Variants in LYSMD4 observed in about 807,000 individuals in gnomAD.
The protein encoded by LYSMD4 is LysM domain containing 4.
In LYSMD4, 9 loss-of-function variants were observed where a neutral mutation model predicts 6.1. The observed-to-expected ratio is 1.47, with a 90% CI of 0.88 to 2.56. The LOEUF (loss-of-function observed/expected upper bound fraction) is 2.56. Ranked by LOEUF, LYSMD4 falls within the 30% of genes most tolerant of loss-of-function variation. The pLI is 0.00. For synonymous variants in LYSMD4, 143 were observed against 148.5 expected (o/e 0.96, Z 0.27); for missense variants, 384 against 373.5 (o/e 1.03, Z -0.23).
chr15:99,731,414 T>G, intron 2 of LYSMD4: 1 of 1,611,534 alleles, frequency 6.2e-7, no homozygotes, highest in Non-Finnish European at 8.5e-7. Context: ...AGGTCTAAAA[T>G]AAAATGTGCT....
chr15:99,720,164 T>A (rs1449556665), upstream of LYSMD4, among the ~76,000 whole-genome samples: 1 of 152,240 alleles, frequency 6.6e-6, no homozygotes, highest in African/African-American at 2.4e-5. Flanking sequence ...ATCTCATTGC[T>A]TAAAGATTTT....
At chr15:99,733,234 G>A (rs1382601199) in intron 1 of LYSMD4, 111 bp downstream of exon 1, 10 of 375,106 alleles carry the variant, frequency 2.7e-5, no homozygotes, top group Non-Finnish European at 4.7e-5. Context: ...CTAGGAGCCC[G>A]GGGAGGGGCG....
chr15:99,725,788 A>G (rs779969401), downstream of LYSMD4, among the ~76,000 whole-genome samples: 1 of 152,158 alleles, frequency 6.6e-6, no homozygotes, highest in South Asian at 2.1e-4. Context: ...GTGAGCCTGG[A>G]TCATGCCACA....
upstream of LYSMD4, among the ~76,000 whole-genome samples, chr15:99,719,494 T>C (rs113862933): frequency 1.3e-5 from 2 of 152,204 alleles, no homozygotes; most frequent in African/African-American, 4.8e-5. Context: ...CTCTTTAGTT[T>C]CTGGTTTAAG....
upstream of LYSMD4, chr15:99,720,707 C>T (rs1382279177): frequency 1.3e-5 from 2 of 152,176 alleles, no homozygotes; most frequent in Non-Finnish European, 2.9e-5. Flanking sequence ...AGACCACTTC[C>T]TTCTCTTCTC....
At chr15:99,724,963 C>A (rs2059266138), downstream of LYSMD4, among the ~76,000 whole-genome samples, 1 of 152,178 alleles carries the variant, frequency 6.6e-6, no homozygotes, top group African/African-American at 2.4e-5. Context: ...CACAGCAGCT[C>A]CACTGCACCA....
downstream of LYSMD4, among the ~76,000 whole-genome samples, chr15:99,722,766 G>A (rs918375013): frequency 2.0e-5 from 3 of 152,154 alleles, no homozygotes; most frequent in Non-Finnish European, 2.9e-5. Flanking sequence ...CAGGCCCAAC[G>A]GCTCATGCCT....
At chr15:99,716,929 C>A (rs2059187916) in exon 1 of LYSMD4, 3 of 334,766 alleles carry the variant, frequency 9.0e-6, no homozygotes, top group Non-Finnish European at 1.8e-5. Context: ...GCCCAAAATA[C>A]ATACATGATG....
At chr15:99,716,912 T>C (rs1251153739) in exon 1 of LYSMD4, 1 of 341,666 alleles carries the variant, frequency 2.9e-6, no homozygotes, top group Non-Finnish European at 5.8e-6. Context: ...GTGAAATGAT[T>C]AGTTTTGCCC....
chr15:99,732,637 A>T (rs936270981), intron 1 of LYSMD4, among the ~76,000 whole-genome samples: 44 of 146,642 alleles, frequency 3.0e-4, no homozygotes, highest in African/African-American at 1.2e-3. Context: ...TCTGGTTTTT[A>T]TTTTCCCCTT....
downstream of LYSMD4, among the ~76,000 whole-genome samples, chr15:99,725,424 C>T (rs1460328578): frequency 1.3e-5 from 2 of 152,162 alleles, no homozygotes; most frequent in African/African-American, 4.8e-5. Context: ...TCCCAAAGCT[C>T]GGAGCCTTTG....
chr15:99,718,154 A>G (rs2059204807), upstream of LYSMD4, among the ~76,000 whole-genome samples: 1 of 152,198 alleles, frequency 6.6e-6, no homozygotes, highest in Admixed American at 6.5e-5. Context: ...AGCTTTTCTT[A>G]TATAACCTTT....
At position 99,728,870 on chromosome 15, in the gene LYSMD4, G is replaced by A; in HGVS notation, c.*253C>T. ...CTATGAACTGGCCAGTCCACTAAATGTCACAGGGAAATGGCTCTCTTGCTG... is the reference window on the plus strand; with the variant it reads ...CTATGAACTGGCCAGTCCACTAAATATCACAGGGAAATGGCTCTCTTGCTG... On this transcript the variant is annotated 3_prime_UTR_variant, in exon 3 of 3. Coordinates refer to ENST00000684762, the MANE Select transcript of LYSMD4 (RefSeq NM_001284417.2). The A allele has an allele frequency of 1.9e-6, 1 of 534,834 alleles. No homozygotes were observed. The highest frequency in any genetic ancestry group is 3.1e-5 in the Admixed American group (1 of 31,810). 33.1% of individuals were successfully genotyped at this position (534,834 alleles called of 1,614,324 possible).
chr15:99,727,205 T>C (rs574269394), downstream of LYSMD4, among the ~76,000 whole-genome samples: 177 of 151,966 alleles, frequency 1.2e-3, no homozygotes, highest in Non-Finnish European at 2.3e-3. Context: ...CTAAACCCCA[T>C]CTCTACTAAA....
chr15:99,718,905 A>ATG (rs1336206823), upstream of LYSMD4, among the ~76,000 whole-genome samples: 14 of 95,408 alleles, frequency 1.5e-4, no homozygotes, highest in South Asian at 7.2e-4. Context: ...ACATGTAGTT[A>ATG]TGCGCACACA....
exon 1 of LYSMD4, chr15:99,717,239 C>T (rs1425407238): frequency 2.0e-5 from 3 of 153,038 alleles, no homozygotes; most frequent in African/African-American, 7.2e-5. Context: ...GCTAAAAATA[C>T]TCTAATCACA....
intron 1 of LYSMD4, 26 bp downstream of exon 1, chr15:99,733,319 C>CG: frequency 2.6e-6 from 1 of 391,440 alleles, no homozygotes; most frequent in Non-Finnish European, 4.5e-6. Flanking sequence ...AGCCAGACCG[C>CG]GGCCCCCTCG....
At chr15:99,732,657 G>C (rs1050641101) in intron 1 of LYSMD4, among the ~76,000 whole-genome samples, 4 of 152,184 alleles carry the variant, frequency 2.6e-5, no homozygotes, top group Non-Finnish European at 5.9e-5. Context: ...TGAGTCAACA[G>C]CCAAAGCCGC....
At chr15:99,723,793 C>T (rs533569060), downstream of LYSMD4, among the ~76,000 whole-genome samples, 1 of 152,136 alleles carries the variant, frequency 6.6e-6, no homozygotes, top group Admixed American at 6.5e-5. Flanking sequence ...AAGGTCTCCA[C>T]TCCTCCAACC....
Sources: allele counts gnomAD v4.1 joint callset (sites outside exome capture counted in the v4.1 genomes callset), GRCh38; gene constraint gnomAD v4.1.1; transcripts MANE v1.5; gene names NCBI Gene and HGNC (gene_info 2026-07-23, HGNC 2026-07-21).